The following DLGAP2 variants were observed in gnomAD, a reference collection of about 807,000 sequenced individuals.
DLGAP2 encodes the protein DLG associated protein 2.
In DLGAP2, 26 loss-of-function variants were observed where a neutral mutation model predicts 100.3. The observed-to-expected ratio is 0.26, with a 90% CI of 0.19 to 0.36. The LOEUF (loss-of-function observed/expected upper bound fraction) is 0.36, where lower values mean the gene tolerates loss of function less well. Ranked by LOEUF, DLGAP2 falls within the 10% of genes least tolerant of loss-of-function variation. DLGAP2 has a pLI of 1.00. For synonymous variants in DLGAP2, 886 were observed against 630.1 expected (o/e 1.41, Z -6.08); for missense variants, 1,858 against 1,453.2 (o/e 1.28, Z -4.53).
intron 4 of DLGAP2, among the ~76,000 whole-genome samples, chr8:1,524,765 C>G (rs761314622): frequency 5.9e-5 from 9 of 152,142 alleles, no homozygotes; most frequent in Non-Finnish European, 1.2e-4. Flanking sequence ...TACAGTCTTC[C>G]CACCGCCTTG....
intron 1 of DLGAP2, among the ~76,000 whole-genome samples, chr8:884,160 A>G (rs1054549724): frequency 2.6e-5 from 4 of 152,212 alleles, no homozygotes; most frequent in South Asian, 4.1e-4. Flanking sequence ...ATACCCAGTA[A>G]TGGGATTGCT....
At chr8:1,205,517 G>A (rs575280663) in intron 2 of DLGAP2, among the ~76,000 whole-genome samples, 6 of 152,294 alleles carry the variant, frequency 3.9e-5, no homozygotes, top group African/African-American at 9.6e-5. Context: ...TGTGGCCACC[G>A]ATTAATTCCC....
intron 1 of DLGAP2, among the ~76,000 whole-genome samples, chr8:816,158 C>T (rs1371849588): frequency 6.6e-6 from 1 of 152,092 alleles, no homozygotes; most frequent in South Asian, 2.1e-4. Context: ...AATTCTTATT[C>T]ATTCTACCAT....
intron 4 of DLGAP2, among the ~76,000 whole-genome samples, chr8:1,534,916 G>C (rs1305950470): frequency 1.3e-5 from 2 of 152,252 alleles, no homozygotes; most frequent in East Asian, 1.9e-4. Flanking sequence ...CTAAATATTA[G>C]CTGAGATTGT....
At chr8:1,446,888 C>G (rs1257614984) in intron 3 of DLGAP2, among the ~76,000 whole-genome samples, 22 of 152,232 alleles carry the variant, frequency 1.4e-4, no homozygotes, top group East Asian at 1.4e-3. Context: ...ATTTGGCTCT[C>G]TGTTTGCCTG....
At chr8:1,111,959 G>C (rs1804971221) in intron 2 of DLGAP2, among the ~76,000 whole-genome samples, 1 of 152,024 alleles carries the variant, frequency 6.6e-6, no homozygotes, top group Non-Finnish European at 1.5e-5. Flanking sequence ...AGTTCTGCTT[G>C]TAACTCTTTG....
At chr8:1,306,524 G>A (rs1800495949) in intron 3 of DLGAP2, among the ~76,000 whole-genome samples, 1 of 152,116 alleles carries the variant, frequency 6.6e-6, no homozygotes, top group African/African-American at 2.4e-5. Flanking sequence ...GTGGGTTTTT[G>A]AGAAATAGAA....
intron 3 of DLGAP2, among the ~76,000 whole-genome samples, chr8:1,296,508 C>T (rs1800178736): frequency 6.7e-6 from 1 of 149,702 alleles, no homozygotes. Context: ...CCTTGGTGCT[C>T]GTGCTGATCT....
chr8:1,594,873 C>G (rs976306623), intron 6 of DLGAP2, among the ~76,000 whole-genome samples: 8 of 152,186 alleles, frequency 5.3e-5, no homozygotes, highest in African/African-American at 1.9e-4. Flanking sequence ...AGCCATGCCC[C>G]CTGGGCACAG....
At chr8:1,439,710 C>T (rs959400266) in intron 3 of DLGAP2, among the ~76,000 whole-genome samples, 3 of 152,136 alleles carry the variant, frequency 2.0e-5, no homozygotes, top group Non-Finnish European at 4.4e-5. Context: ...ACCTTCTTCC[C>T]GCCATCCCCT....
At chr8:1,668,161 T>A (rs186900901) in intron 8 of DLGAP2, among the ~76,000 whole-genome samples, 168 bp from the exon 9 acceptor site, 42 of 152,342 alleles carry the variant, frequency 2.8e-4, no homozygotes, top group Admixed American at 1.4e-3. Flanking sequence ...TACAGGTATA[T>A]TCATGTGTGC....
chr8:1,204,528 G>C (rs1282409362), intron 2 of DLGAP2, among the ~76,000 whole-genome samples: 1 of 152,136 alleles, frequency 6.6e-6, no homozygotes, highest in Non-Finnish European at 1.5e-5. Context: ...GGTGAAACTG[G>C]ACAAAGAACA....
At chr8:1,444,540 A>G (rs1300978008) in intron 3 of DLGAP2, among the ~76,000 whole-genome samples, 3 of 151,966 alleles carry the variant, frequency 2.0e-5, no homozygotes, top group Non-Finnish European at 4.4e-5. Flanking sequence ...AGAGAAAGAG[A>G]CAGTGTGCCT....
chr8:1,668,637 G>A lies in DLGAP2; in HGVS notation c.2119G>A (p.Glu707Lys), dbSNP rs1484866412. 1.3e-6 allele frequency: 2 copies of A among 1,591,924 alleles called. No homozygotes were observed. Among genetic ancestry groups the A allele is most frequent in the East Asian group, 2.3e-5 (1 of 43,694 alleles). ...SDKAILVSKA[E>K]ELLKSRCSSI... The stretch of plus-strand genomic sequence containing the variant: ...CAAGGCCATCCTGGTGTCCAAGGCG[G>A]AGGAGCTCCTCAAGAGCCGCTGCTC... The change falls in exon 9 of 15, where the codon GAG (glutamate) becomes AAG (lysine). Residue 707 changes from glutamate (E) to lysine (K), a missense_variant. Glu to Lys is a moderately conservative substitution (Grantham distance 56). Coordinates refer to ENST00000637795, the MANE Select transcript of DLGAP2 (RefSeq NM_001346810.2).
At chr8:1,269,587 T>G (rs1278535224) in intron 3 of DLGAP2, among the ~76,000 whole-genome samples, 2 of 152,198 alleles carry the variant, frequency 1.3e-5, no homozygotes, top group South Asian at 2.1e-4. Flanking sequence ...CCTCTCTGAT[T>G]GGTACATCTA....
intron 3 of DLGAP2, chr8:1,297,185 T>G (rs1563067677): frequency 1.3e-5 from 2 of 152,228 alleles, no homozygotes; most frequent in African/African-American, 4.8e-5. Flanking sequence ...ATCACAGCGA[T>G]GAGAATGACA....
intron 6 of DLGAP2, among the ~76,000 whole-genome samples, chr8:1,612,419 A>G (rs2130734003): frequency 7.5e-6 from 1 of 133,236 alleles, no homozygotes; most frequent in Non-Finnish European, 1.6e-5. Flanking sequence ...TAAACGTTAG[A>G]CCTAAAACCA....
At chr8:1,390,726 C>T (rs1245975353) in intron 3 of DLGAP2, among the ~76,000 whole-genome samples, 3 of 152,088 alleles carry the variant, frequency 2.0e-5, no homozygotes, top group African/African-American at 7.2e-5. Flanking sequence ...TTTCATTTGG[C>T]GGAGGGCTCT....
intron 2 of DLGAP2, among the ~76,000 whole-genome samples, chr8:1,180,956 C>T (rs1428184123): frequency 1.2e-5 from 1 of 83,850 alleles, no homozygotes; most frequent in African/African-American, 5.4e-5. Context: ...GTGTGGGTGG[C>T]TGTGCAAGGG....
Sources: allele counts gnomAD v4.1 joint callset (sites outside exome capture counted in the v4.1 genomes callset), GRCh38; gene constraint gnomAD v4.1.1; transcripts MANE v1.5; gene names NCBI Gene and HGNC (gene_info 2026-07-23, HGNC 2026-07-21).